MINDY2: variants seen among roughly 807,000 people sequenced by gnomAD.
MINDY2 encodes the protein MINDY lysine 48 deubiquitinase 2.
MINDY2 carries 52 observed loss-of-function variants against 68.2 expected under a neutral mutation model. The observed-to-expected ratio is 0.76, with a 90% CI of 0.61 to 0.96. MINDY2 has a LOEUF of 0.96. Ranked by LOEUF, MINDY2 falls within the 40% of genes least tolerant of loss-of-function variation. MINDY2 has a pLI of 0.00. For synonymous variants in MINDY2, 372 were observed against 303.0 expected, an observed-to-expected ratio of 1.23 and a Z score of -2.36; for missense variants, 881 against 773.4, an observed-to-expected ratio of 1.14 and a Z score of -1.65.
rs977214116 is a variant in MINDY2 at position 58,858,061 on chromosome 15, C to T, written c.*3451C>T. 3 of 152,086 alleles carry T rather than the reference C, an allele frequency of 2.0e-5. No homozygotes were observed. In the East Asian group the frequency reaches 5.8e-4, roughly 29 times the overall value. 9.4% of individuals were successfully genotyped at this position (152,086 alleles called of 1,614,324 possible). A position where few individuals can be genotyped will look rare whatever the true frequency, so the allele number is the denominator to read the frequency against. On this transcript the variant is annotated 3_prime_UTR_variant, in exon 9 of 9. Coordinates refer to ENST00000559228, the MANE Select transcript of MINDY2 (RefSeq NM_001040450.3). ...AGATTCTCAAAAGAATTCAGAACTT[C>T]AATTTAAGAATCACCATTTTAAGAA...
chr15:58,780,612 T>G (rs1901072432), intron 1 of MINDY2, among the ~76,000 whole-genome samples: 1 of 152,152 alleles, frequency 6.6e-6, no homozygotes, highest in Admixed American at 6.5e-5. Context: ...AGAAATGGAC[T>G]TCATGATTCC....
At chr15:58,791,442 C>A (rs1225818973) in intron 2 of MINDY2, among the ~76,000 whole-genome samples, 2 of 151,056 alleles carry the variant, frequency 1.3e-5, no homozygotes, top group Non-Finnish European at 3.0e-5. Flanking sequence ...TGGTGAGACC[C>A]CCATCTCCAC....
At chr15:58,843,049 G>C (rs1189149848) in intron 6 of MINDY2, among the ~76,000 whole-genome samples, 1 of 152,146 alleles carries the variant, frequency 6.6e-6, no homozygotes, top group African/African-American at 2.4e-5. Context: ...AACTCTCTTA[G>C]AAATGTATAA....
intron 6 of MINDY2, among the ~76,000 whole-genome samples, chr15:58,834,469 G>C (rs2031898676): frequency 6.6e-6 from 1 of 152,128 alleles, no homozygotes; most frequent in South Asian, 2.1e-4. Context: ...TGTATGGGAG[G>C]CTTTTTTAAA....
intron 6 of MINDY2, among the ~76,000 whole-genome samples, chr15:58,843,789 C>T (rs1269403552): frequency 1.4e-5 from 2 of 142,518 alleles, no homozygotes; most frequent in South Asian, 2.2e-4. Flanking sequence ...AGCCAAGTCA[C>T]GCCACTGCAC....
intron 5 of MINDY2, among the ~76,000 whole-genome samples, chr15:58,826,234 T>C (rs2031384994): frequency 6.8e-6 from 1 of 148,040 alleles, no homozygotes; most frequent in South Asian, 2.1e-4. Context: ...TCTTTTTTTT[T>C]TTTTTTTTTT....
Position 58,771,900 on chromosome 15 carries a change from G to A in MINDY2, c.505G>A (p.Glu169Lys), listed in dbSNP as rs1900439970. 1.3e-6 allele frequency: 2 copies of A among 1,563,010 alleles called. No homozygotes were observed. Among genetic ancestry groups the A allele is most frequent in the African/African-American group, 2.7e-5 (2 of 73,304 alleles). ...TTGCAGCGACCCGAGCCCTCCTGGG[G>A]AATCTCCGAGCCTGGACTCTCTGGA... ...SSCSDPSPPG[E>K]SPSLDSLESF... Residue 169 changes from glutamate (E) to lysine (K), a missense_variant, in exon 1 of 9, where the codon GAA (glutamate) becomes AAA (lysine). By Grantham distance (56) the Glu-to-Lys change is moderately conservative. Transcript: ENST00000559228.
At chr15:58,841,398 C>T (rs1428124437) in intron 6 of MINDY2, among the ~76,000 whole-genome samples, 1 of 149,790 alleles carries the variant, frequency 6.7e-6, no homozygotes, top group Admixed American at 6.6e-5. Flanking sequence ...TACGCTTTTC[C>T]TTTCTTTTCT....
intron 1 of MINDY2, among the ~76,000 whole-genome samples, chr15:58,781,738 A>G (rs1567038428): frequency 6.6e-6 from 1 of 152,074 alleles, no homozygotes; most frequent in African/African-American, 2.4e-5. Context: ...CGCTGTCTCT[A>G]CTAAAAATGC....
intron 2 of MINDY2, among the ~76,000 whole-genome samples, chr15:58,792,128 G>C (rs1175064894): frequency 6.6e-6 from 1 of 152,154 alleles, no homozygotes; most frequent in Admixed American, 6.5e-5. Context: ...ATGAAAACCT[G>C]ACTGGAAACA....
At chr15:58,821,406 T>C (rs2031053748) in intron 4 of MINDY2, among the ~76,000 whole-genome samples, 1 of 152,020 alleles carries the variant, frequency 6.6e-6, no homozygotes, top group South Asian at 2.1e-4. Context: ...TGGAATAGTT[T>C]ATGTTTTATT....
chr15:58,804,083 C>T (rs200678470), intron 3 of MINDY2, among the ~76,000 whole-genome samples: 10 of 150,572 alleles, frequency 6.6e-5, no homozygotes, highest in African/African-American at 1.7e-4. Flanking sequence ...GAGCCGAGAT[C>T]GCGCCACTGC....
At chr15:58,817,825 A>G (rs1021422757) in intron 4 of MINDY2, 1 of 152,268 alleles carries the variant, frequency 6.6e-6, no homozygotes, top group Non-Finnish European at 1.5e-5. Context: ...GAAATTGGCC[A>G]TCTACTTTTG....
At chr15:58,852,036 C>G in intron 8 of MINDY2, 71 bp downstream of exon 8, 2 of 1,250,908 alleles carry the variant, frequency 1.6e-6, no homozygotes, top group Admixed American at 5.1e-5. Flanking sequence ...CCTGTATTCC[C>G]AGCCCTTTGG....
At chr15:58,822,788 A>G (rs74021010) in intron 5 of MINDY2, among the ~76,000 whole-genome samples, 154 of 152,336 alleles carry the variant, frequency 1.0e-3, no homozygotes, top group African/African-American at 3.4e-3. Flanking sequence ...TTTCAAAAAT[A>G]TACATAAATA....
At chr15:58,806,354 CTTT>C (rs57824507) in intron 3 of MINDY2, among the ~76,000 whole-genome samples, 7 of 128,556 alleles carry the variant, frequency 5.4e-5, no homozygotes, top group Admixed American at 7.9e-5. Context: ...AACGTGCCAA[CTTT>C]TTTTTTTTTT....
At chr15:58,780,375 C>G (rs1289098014) in intron 1 of MINDY2, among the ~76,000 whole-genome samples, 3 of 151,690 alleles carry the variant, frequency 2.0e-5, no homozygotes, top group South Asian at 2.1e-4. Context: ...GCACTCCAGC[C>G]TGGGCAACAA....
chr15:58,771,345 C>T lies in MINDY2; in HGVS notation c.-51C>T, dbSNP rs765426418. On this transcript the variant is annotated 5_prime_UTR_variant, in exon 1 of 9. Coordinates refer to ENST00000559228, the MANE Select transcript of MINDY2 (RefSeq NM_001040450.3). Reference sequence around the variant, plus strand: ...GCTGTCATGGCGTCCAAGGCGCTGGCTGCGGAGAAGTGGCCGCGGTCTCCA... The same window carrying T: ...GCTGTCATGGCGTCCAAGGCGCTGGTTGCGGAGAAGTGGCCGCGGTCTCCA... 2.9e-4 allele frequency: 445 copies of T among 1,559,684 alleles called. No individual in the cohort carries two copies. Among genetic ancestry groups the T allele is most frequent in the Non-Finnish European group, 3.5e-4 (408 of 1,155,408 alleles).
At chr15:58,834,546 A>G (rs2031901960) in intron 6 of MINDY2, among the ~76,000 whole-genome samples, 2 of 152,198 alleles carry the variant, frequency 1.3e-5, no homozygotes, top group African/African-American at 2.4e-5. Flanking sequence ...GGATCTGAGC[A>G]TCATTAATTT....
Sources: allele counts gnomAD v4.1 joint callset (sites outside exome capture counted in the v4.1 genomes callset), GRCh38; gene constraint gnomAD v4.1.1; transcripts MANE v1.5; gene names NCBI Gene and HGNC (gene_info 2026-07-23, HGNC 2026-07-21).